The following RAPGEF5 variants were observed in gnomAD, a reference collection of about 807,000 sequenced individuals.
RAPGEF5 encodes Rap guanine nucleotide exchange factor 5, also known as M-Ras-regulated GEF.
A neutral mutation model predicts 125.2 loss-of-function variants in RAPGEF5; 65 were observed. That is an observed-to-expected ratio of 0.52 (90% CI 0.43 to 0.64). The LOEUF (loss-of-function observed/expected upper bound fraction) is 0.64, where lower values mean the gene tolerates loss of function less well. Among genes scored for constraint, RAPGEF5 ranks in the 30% least tolerant of loss-of-function variants. The pLI, the probability that RAPGEF5 is intolerant of heterozygous loss-of-function variation, is 0.00. For missense variants in RAPGEF5, 958 were observed against 1,048.1 expected, an observed-to-expected ratio of 0.91 and a Z score of 1.19; for synonymous variants, 391 against 385.9, an observed-to-expected ratio of 1.01 and a Z score of -0.16.
chr7:22,292,270 A>G (rs1782953170), intron 5 of RAPGEF5, among the ~76,000 whole-genome samples: 1 of 152,224 alleles, frequency 6.6e-6, no homozygotes, highest in Admixed American at 6.5e-5. Flanking sequence ...AGAAGGGAAA[A>G]GCCAGTTGGA....
chr7:22,160,215 A>G (rs141132318), intron 14 of RAPGEF5, among the ~76,000 whole-genome samples: 151 of 152,348 alleles, frequency 9.9e-4, no homozygotes, highest in Non-Finnish European at 1.8e-3. Context: ...TGACAAGTTA[A>G]ACAGACTTTT....
intron 11 of RAPGEF5, among the ~76,000 whole-genome samples, chr7:22,176,507 A>G (rs1199488717): frequency 6.6e-6 from 1 of 152,146 alleles, no homozygotes; most frequent in Non-Finnish European, 1.5e-5. Context: ...AAGTAAGCAC[A>G]ATTAAGGCTT....
At chr7:22,321,978 C>T (rs1783722639) in intron 1 of RAPGEF5, among the ~76,000 whole-genome samples, 1 of 152,156 alleles carries the variant, frequency 6.6e-6, no homozygotes, top group South Asian at 2.1e-4. Flanking sequence ...CAGATTACGG[C>T]CTTGAGAATT....
At chr7:22,160,674 G>C in intron 13 of RAPGEF5, 59 bp from the exon 14 acceptor site, 1 of 1,463,022 alleles carries the variant, frequency 6.8e-7, no homozygotes, top group Non-Finnish European at 9.0e-7. Flanking sequence ...TAGGGATTAA[G>C]ACTCATACCA....
In RAPGEF5 at chr7:22,266,123, T is replaced by C. The variant is rs180864903; in HGVS notation, c.796+841A>G. Reference sequence around the variant, plus strand: ...TAACTGGAAAAAGAAAGATATAAAATGTACAGTTTGTGTTGCTGAGACATT... The same window carrying C: ...TAACTGGAAAAAGAAAGATATAAAACGTACAGTTTGTGTTGCTGAGACATT... On this transcript the variant is annotated intron_variant, in intron 7 of 25. Transcript: ENST00000665637. Among the ~76,000 whole-genome samples the C allele has an allele frequency of 1.4e-3, 209 of 152,330 alleles. 2 individuals are homozygous for C. Among genetic ancestry groups the C allele is most frequent in the African/African-American group, 4.8e-3 (200 of 41,586 alleles).
chr7:22,354,365 C>T (rs1392740790), intron 1 of RAPGEF5, among the ~76,000 whole-genome samples: 1 of 152,106 alleles, frequency 6.6e-6, no homozygotes, highest in Non-Finnish European at 1.5e-5. Flanking sequence ...GGAGGTATGG[C>T]CCATGAGACA....
chr7:22,138,708 C>G (rs1355617505), intron 21 of RAPGEF5, among the ~76,000 whole-genome samples: 1 of 152,244 alleles, frequency 6.6e-6, no homozygotes, highest in Non-Finnish European at 1.5e-5. Context: ...ATGTAGCCAT[C>G]TCCTGTCTGC....
At chr7:22,220,641 C>G (rs1291175521) in intron 8 of RAPGEF5, among the ~76,000 whole-genome samples, 1 of 150,960 alleles carries the variant, frequency 6.6e-6, no homozygotes, top group Non-Finnish European at 1.5e-5. Flanking sequence ...ATCCATAAAG[C>G]ATCATATTTT....
chr7:22,147,761 T>G (rs1783490972), intron 18 of RAPGEF5, among the ~76,000 whole-genome samples: 1 of 152,212 alleles, frequency 6.6e-6, no homozygotes, highest in African/African-American at 2.4e-5. Flanking sequence ...AAATAGTTGA[T>G]GTTTTCTAAT....
At chr7:22,143,202 A>T (rs572288851) in intron 20 of RAPGEF5, among the ~76,000 whole-genome samples, 3 of 152,288 alleles carry the variant, frequency 2.0e-5, no homozygotes, top group South Asian at 4.1e-4. Context: ...AAATTTTTTT[A>T]AAAAAGCATT....
chr7:22,346,466 G>A (rs531063718), intron 1 of RAPGEF5, among the ~76,000 whole-genome samples: 4 of 152,168 alleles, frequency 2.6e-5, no homozygotes, highest in East Asian at 1.9e-4. Flanking sequence ...TGCAGTGTTT[G>A]TTCATTACAG....
chr7:22,208,556 G>A (rs1201207957), intron 9 of RAPGEF5, among the ~76,000 whole-genome samples: 1 of 152,192 alleles, frequency 6.6e-6, no homozygotes, highest in South Asian at 2.1e-4. Context: ...GCAATAACCA[G>A]TGTGACCAAA....
chr7:22,247,439 T>C (rs1438985493), intron 7 of RAPGEF5, among the ~76,000 whole-genome samples: 2 of 152,154 alleles, frequency 1.3e-5, no homozygotes, highest in African/African-American at 4.8e-5. Flanking sequence ...GGGTTTTTCA[T>C]GTGCTGTTGT....
chr7:22,214,357 G>A (rs1019711166), intron 9 of RAPGEF5, among the ~76,000 whole-genome samples: 2 of 152,182 alleles, frequency 1.3e-5, no homozygotes, highest in Non-Finnish European at 2.9e-5. Context: ...GGATCCCTAG[G>A]GAAAGTATTG....
At chr7:22,138,623 C>G (rs946780965) in intron 21 of RAPGEF5, among the ~76,000 whole-genome samples, 5 of 152,278 alleles carry the variant, frequency 3.3e-5, no homozygotes, top group Admixed American at 1.3e-4. Context: ...CTCAGCTACC[C>G]AGAGGCAGAA....
intron 7 of RAPGEF5, among the ~76,000 whole-genome samples, chr7:22,250,675 C>G (rs1451982056): frequency 1.3e-5 from 2 of 151,666 alleles, no homozygotes; most frequent in Admixed American, 6.6e-5. Flanking sequence ...GAAAAAAAGG[C>G]CTTCAGTAGA....
In RAPGEF5 at chr7:22,245,975, T is replaced by C. The variant is rs112592393; in HGVS notation, c.797-15056A>G. Among the ~76,000 whole-genome samples, 757 of 151,962 alleles carry C rather than the reference T, an allele frequency of 5.0e-3. 10 individuals are homozygous for C. Among genetic ancestry groups the C allele is most frequent in the South Asian group, 0.027 (130 of 4,808 alleles). On this transcript the variant is annotated intron_variant, in intron 7 of 25. Transcript: ENST00000665637. ...GCCAAATCAAGAACACAATCAAATTTACAACAGCCACACAAAAAACAAAAT... is the reference window on the plus strand; with the variant it reads ...GCCAAATCAAGAACACAATCAAATTCACAACAGCCACACAAAAAACAAAAT...
intron 6 of RAPGEF5, among the ~76,000 whole-genome samples, chr7:22,281,191 C>A (rs903015986): frequency 2.6e-5 from 4 of 152,250 alleles, no homozygotes; most frequent in African/African-American, 9.6e-5. Context: ...ATCCGTAATA[C>A]AAGGGAATTG....
intron 11 of RAPGEF5, among the ~76,000 whole-genome samples, chr7:22,183,446 A>G (rs1008279850): frequency 1.3e-5 from 2 of 152,142 alleles, no homozygotes; most frequent in Non-Finnish European, 2.9e-5. Flanking sequence ...AAAATTAGAA[A>G]TTTACTTAAC....
Sources: allele counts gnomAD v4.1 joint callset (sites outside exome capture counted in the v4.1 genomes callset), GRCh38; gene constraint gnomAD v4.1.1; transcripts MANE v1.5; gene names NCBI Gene and HGNC (gene_info 2026-07-23, HGNC 2026-07-21).